The following NDST3 variants were observed in gnomAD, a reference collection of about 807,000 sequenced individuals.
NDST3 encodes N-deacetylase and N-sulfotransferase 3.
A neutral mutation model predicts 96.1 loss-of-function variants in NDST3; 58 were observed. The observed-to-expected ratio is 0.60, with a 90% CI of 0.49 to 0.75. The LOEUF (loss-of-function observed/expected upper bound fraction) is 0.75. NDST3 is among the 30% of genes least tolerant of loss of function. The pLI, the probability that NDST3 is intolerant of heterozygous loss-of-function variation, is 0.00. For synonymous variants in NDST3, 333 were observed against 359.7 expected (o/e 0.93, Z 0.84); for missense variants, 788 against 1,034.2 (o/e 0.76, Z 3.27).
intron 4 of NDST3, among the ~76,000 whole-genome samples, chr4:118,132,752 C>T (rs553127810): frequency 3.3e-5 from 5 of 152,206 alleles, no homozygotes; most frequent in South Asian, 2.1e-4. Flanking sequence ...ATTCAGGGTC[C>T]GAGGGCTCTT....
intron 6 of NDST3, among the ~76,000 whole-genome samples, chr4:118,164,771 T>C (rs565175763): frequency 1.3e-5 from 2 of 152,238 alleles, no homozygotes; most frequent in South Asian, 2.1e-4. Flanking sequence ...ACTATAACTA[T>C]ATGACAATAA....
intron 11 of NDST3, 119 bp from the exon 12 acceptor site, chr4:118,241,921 A>G: frequency 1.6e-6 from 1 of 629,940 alleles, no homozygotes; most frequent in Non-Finnish European, 2.8e-6. Flanking sequence ...TCTAACACCA[A>G]TGCATGCAAT....
chr4:118,099,802 A>T (rs571175975), intron 2 of NDST3, among the ~76,000 whole-genome samples: 1 of 152,108 alleles, frequency 6.6e-6, no homozygotes, highest in East Asian at 1.9e-4. Context: ...AACCTAATTA[A>T]CTGTTTTCAG....
rs2126020287 is a variant in NDST3, at chr4:118,258,434, G to T, written c.*2722G>T. On this transcript the variant is annotated 3_prime_UTR_variant, in exon 14 of 14. Transcript: ENST00000296499. The stretch of plus-strand genomic sequence containing the variant: ...TTTGTATAGAATTCCCTTTTTCATT[G>T]TTTAAAATATGAAACTTCCTCAGGA... 6.6e-6 allele frequency: 1 copy of T among 152,148 alleles called. No individual in the cohort carries two copies. Among genetic ancestry groups the T allele is most frequent in the South Asian group, 2.1e-4 (1 of 4,828 alleles). The allele number at this position is 152,148 out of a possible 1,614,324, so 9.4% of individuals were successfully genotyped here. A position where few individuals can be genotyped will look rare whatever the true frequency, so the allele number is the denominator to read the frequency against.
chr4:118,168,125 A>G (rs1273253528), intron 6 of NDST3, among the ~76,000 whole-genome samples: 1 of 151,966 alleles, frequency 6.6e-6, no homozygotes, highest in African/African-American at 2.4e-5. Context: ...ACTGAGGGAA[A>G]ATGCAACCTA....
At chr4:118,142,677 G>T (rs1426617506) in intron 5 of NDST3, among the ~76,000 whole-genome samples, 1 of 152,066 alleles carries the variant, frequency 6.6e-6, no homozygotes, top group Non-Finnish European at 1.5e-5. Flanking sequence ...ACTCATTAAT[G>T]TTCTGCTACT....
chr4:118,155,467 C>T (rs1340631556), intron 6 of NDST3, among the ~76,000 whole-genome samples: 1 of 152,196 alleles, frequency 6.6e-6, no homozygotes, highest in Admixed American at 6.5e-5. Flanking sequence ...CCTGAACTGC[C>T]AGGATAGGCC....
chr4:118,215,455 C>G (rs1408129714), intron 6 of NDST3, among the ~76,000 whole-genome samples: 1 of 151,998 alleles, frequency 6.6e-6, no homozygotes, highest in Non-Finnish European at 1.5e-5. Context: ...GGACAAAACC[C>G]AAGTCACAAA....
intron 12 of NDST3, among the ~76,000 whole-genome samples, chr4:118,246,990 T>C (rs764669372): frequency 2.6e-4 from 40 of 152,178 alleles, no homozygotes; most frequent in Admixed American, 2.0e-4. Flanking sequence ...ATGGCCACTT[T>C]GGAAAGCAGT....
At chr4:118,090,877 A>G (rs960435755) in intron 2 of NDST3, among the ~76,000 whole-genome samples, 1 of 151,896 alleles carries the variant, frequency 6.6e-6, no homozygotes, top group Admixed American at 6.6e-5. Flanking sequence ...GTCTGATTGG[A>G]TGAGATGTAA....
intron 4 of NDST3, among the ~76,000 whole-genome samples, chr4:118,124,031 T>C (rs1051968250): frequency 2.6e-5 from 4 of 152,142 alleles, no homozygotes; most frequent in African/African-American, 9.6e-5. Flanking sequence ...ATTTAGCTGC[T>C]AACTTGGGAT....
At chr4:118,177,175 A>T (rs1736331251) in intron 6 of NDST3, among the ~76,000 whole-genome samples, 1 of 152,020 alleles carries the variant, frequency 6.6e-6, no homozygotes, top group South Asian at 2.1e-4. Flanking sequence ...TGTGGCAAAG[A>T]ACAAGTTTGT....
intron 2 of NDST3, among the ~76,000 whole-genome samples, chr4:118,096,657 G>A (rs950852751): frequency 2.2e-5 from 3 of 134,888 alleles, no homozygotes; most frequent in African/African-American, 8.4e-5. Flanking sequence ...ATTATGGCTA[G>A]AGTAGATAGA....
At chr4:118,145,760 C>T (rs569794324) in intron 6 of NDST3, among the ~76,000 whole-genome samples, 1 of 152,244 alleles carries the variant, frequency 6.6e-6, no homozygotes, top group Admixed American at 6.5e-5. Flanking sequence ...TTGTTCTTTC[C>T]TGATTCAGAA....
chr4:118,240,537 A>G lies in NDST3; in HGVS notation c.2132A>G (p.His711Arg), dbSNP rs1226135984. 4 of 1,611,794 alleles carry G rather than the reference A, an allele frequency of 2.5e-6. No homozygotes were observed. The highest frequency in any genetic ancestry group is 3.4e-6 in the Non-Finnish European group (4 of 1,178,904). The part of the protein sequence containing the change: ...AYSWYQHQRS[H>R]EDPAALKFSF... ...TTTTCATCATAGCATCAGCGATCACATGAAGACCCTGCAGCTCTGAAGTTT... is the reference window on the plus strand; with the variant it reads ...TTTTCATCATAGCATCAGCGATCACGTGAAGACCCTGCAGCTCTGAAGTTT... Residue 711 changes from histidine (H) to arginine (R), a missense_variant, in exon 11 of 14, where the codon CAT (histidine) becomes CGT (arginine). Coordinates refer to ENST00000296499, the MANE Select transcript of NDST3 (RefSeq NM_004784.3).
chr4:118,155,944 C>G (rs531197673), intron 6 of NDST3, among the ~76,000 whole-genome samples: 4 of 152,116 alleles, frequency 2.6e-5, no homozygotes, highest in Non-Finnish European at 5.9e-5. Context: ...ATTCTTTGTT[C>G]AATCCTTTGA....
At chr4:118,205,999 A>AT (rs1223774142) in intron 6 of NDST3, among the ~76,000 whole-genome samples, 2 of 142,162 alleles carry the variant, frequency 1.4e-5, no homozygotes, top group Non-Finnish European at 3.1e-5. Flanking sequence ...CGCCCAGCTA[A>AT]TTTTTTGTAT....
At chr4:118,192,552 G>A (rs1737378161) in intron 6 of NDST3, among the ~76,000 whole-genome samples, 1 of 152,100 alleles carries the variant, frequency 6.6e-6, no homozygotes, top group Admixed American at 6.5e-5. Context: ...CTTTTCCCCA[G>A]TGTATGTTCT....
chr4:118,212,935 G>A (rs994524807), intron 6 of NDST3, among the ~76,000 whole-genome samples: 5 of 152,098 alleles, frequency 3.3e-5, no homozygotes, highest in African/African-American at 4.8e-5. Flanking sequence ...TGAACTTTTA[G>A]CATGTATTAT....
Sources: allele counts gnomAD v4.1 joint callset (sites outside exome capture counted in the v4.1 genomes callset), GRCh38; gene constraint gnomAD v4.1.1; transcripts MANE v1.5; gene names NCBI Gene and HGNC (gene_info 2026-07-23, HGNC 2026-07-21).